Variants in INTS11 observed in about 807,000 individuals in gnomAD.
INTS11 encodes integrator complex subunit 11, also known as CPSF3-like protein.
A neutral mutation model predicts 78.6 loss-of-function variants in INTS11; 77 were observed. The observed-to-expected ratio is 0.98, with a 90% CI of 0.81 to 1.18. INTS11 has a LOEUF of 1.18. Ranked by LOEUF, INTS11 falls within the 50% of genes most tolerant of loss-of-function variation. INTS11 has a pLI of 0.00. For synonymous variants in INTS11, 441 were observed against 326.9 expected (o/e 1.35, Z -3.77); for missense variants, 875 against 825.9 (o/e 1.06, Z -0.73).
In INTS11 at chr1:1,314,479, C is replaced by T; in HGVS notation, c.703-114G>A. On this transcript the variant is annotated intron_variant, in intron 7 of 16. Coordinates refer to ENST00000435064, the MANE Select transcript of INTS11 (RefSeq NM_017871.6). This position sits in a 1 kb window ranked among gnomAD's most constrained non-coding sequence, Gnocchi z 4.2. ...AGCTGCGGCCTCATAGGGACCTTAGCCTCTCATCTGCTCCCAGTCCCGTCC... is the reference window on the plus strand; with the variant it reads ...AGCTGCGGCCTCATAGGGACCTTAGTCTCTCATCTGCTCCCAGTCCCGTCC... 2 of 911,698 alleles carry T rather than the reference C, an allele frequency of 2.2e-6. No homozygotes were observed. Among genetic ancestry groups the T allele is most frequent in the South Asian group, 1.7e-5 (1 of 59,070 alleles). The allele number at this position is 911,698 out of a possible 1,614,324, so 56.5% of individuals were successfully genotyped here.
chr1:1,312,213 G>GGGGGGGGGGGGGGGGCCCCCCCCCCCC lies in INTS11; in HGVS notation c.1607+12_1607+13insGGGGGGGGGGGGCCCCCCCCCCCCCCC. The GGGGGGGGGGGGGGGGCCCCCCCCCCCC allele has an allele frequency of 1.1e-6, 1 of 934,624 alleles. No homozygotes were observed. Among genetic ancestry groups the GGGGGGGGGGGGGGGGCCCCCCCCCCCC allele is most frequent in the Non-Finnish European group, 1.6e-6 (1 of 636,672 alleles). 57.9% of individuals were successfully genotyped at this position (934,624 alleles called of 1,614,324 possible). A position where few individuals can be genotyped will look rare whatever the true frequency, so the allele number is the denominator to read the frequency against. On this transcript the variant is annotated intron_variant, in intron 15 of 16. Transcript: ENST00000435064. ...CCCAAGGGAGTGGGGGGGGGGCGGG[G>GGGGGGGGGGGGGGGGCCCCCCCCCCCC]CCGGGCGCCCACCTCTTGAGGTGGC... is the stretch of plus-strand genomic sequence containing the variant.
Position 1,319,355 on chromosome 1 carries a change from G to A in INTS11, c.370C>T (p.Gln124Ter). The change falls in exon 4 of 17, where the codon CAG (glutamine) becomes TAG (stop). Residue 124 changes from glutamine to a stop codon, truncating the protein, a stop_gained. Transcript: ENST00000435064. LOFTEE classifies it high-confidence loss of function. ...KKGEANFFTS[Q>*]MIKDCMKKVV... The stretch of plus-strand genomic sequence containing the variant: ...TTCTTCATGCAGTCTTTGATCATCT[G>A]GGAGGTGAAGAAGTTGGCCTCGCCC... The A allele has an allele frequency of 2.5e-6, 4 of 1,613,384 alleles. No homozygotes were observed. Among genetic ancestry groups the A allele is most frequent in the Non-Finnish European group, 3.4e-6 (4 of 1,180,018 alleles).
Position 1,317,560 on chromosome 1 carries a change from C to T in INTS11, c.429+1736G>A, listed in dbSNP as rs149150645. ...TTCAAGAGGTTGAACGTCAGGCTCT[C>T]GGGGTCCCTGGAGGAGCAGGAACGG... On this transcript the variant is annotated intron_variant, in intron 4 of 16. Coordinates refer to ENST00000435064, the MANE Select transcript of INTS11 (RefSeq NM_017871.6). The T allele has an allele frequency of 7.6e-5, 37 of 489,946 alleles. 1 individual carries two copies. In the Middle Eastern group the frequency reaches 6.0e-3, roughly 79 times the overall value. The allele number at this position is 489,946 out of a possible 1,614,324, so 30.3% of individuals were successfully genotyped here.
chr1:1,318,643 CTG>C, intron 4 of INTS11: 1 of 425,776 alleles, frequency 2.3e-6, no homozygotes, highest in Non-Finnish European at 4.1e-6. Flanking sequence ...AAGTGAGACA[CTG>C]TCAAAAAAAA....
intron 15 of INTS11, 22 bp downstream of exon 15, chr1:1,312,204 G>GGGT: frequency 1.7e-6 from 2 of 1,186,128 alleles, no homozygotes. Flanking sequence ...GGAGTGGGGG[G>GGGT]GGGGCGGGGC....
rs1019125301 is a variant in INTS11, at chr1:1,315,047, C to T, written c.564-85G>A. On this transcript the variant is annotated intron_variant, in intron 6 of 16. Transcript: ENST00000435064. ...GGTGTGACAAGCTGGACCCCAGTAC[C>T]ACGCCCAGCCGCCTTCCTAGGTCAC... is the stretch of plus-strand genomic sequence containing the variant. 5.3e-6 allele frequency: 8 copies of T among 1,519,782 alleles called. No individual in the cohort carries two copies. The Admixed American group carries it at 1.3e-4, about 24-fold the overall frequency. 94.1% of individuals were successfully genotyped at this position (1,519,782 alleles called of 1,614,324 possible).
rs1570719441 is a variant in INTS11, at chr1:1,315,613, A to G, written c.435T>C (p.Asp145=). 1 of 1,605,116 alleles carries G rather than the reference A, an allele frequency of 6.2e-7. No homozygotes were observed. The highest frequency in any genetic ancestry group is 1.7e-4 in the Middle Eastern group (1 of 6,036). ...AGTAGGCCTTGATCTCCAGCTCATCATCTACCTGTGGAGGACAGGGCTGCG... is the reference window on the plus strand; with the variant it reads ...AGTAGGCCTTGATCTCCAGCTCATCGTCTACCTGTGGAGGACAGGGCTGCG... ...AVHLHQTVQV[D]DELEIKAYYA... The change falls in exon 5 of 17, where the codon GAT becomes GAC. Residue 145 remains aspartate (D), a synonymous_variant. Transcript: ENST00000435064.
chr1:1,313,419 C>T lies in INTS11; in HGVS notation c.1041+90G>A, dbSNP rs985559573. 6 of 1,472,724 alleles carry T rather than the reference C, an allele frequency of 4.1e-6. No individual in the cohort carries two copies. The African/African-American group carries it at 8.3e-5, about 20-fold the overall frequency. 91.2% of individuals were successfully genotyped at this position (1,472,724 alleles called of 1,614,324 possible). On this transcript the variant is annotated intron_variant, in intron 10 of 16. Transcript: ENST00000435064. ...CCACGTCCCTTGGCCAGCACGAGGC[C>T]AAGCCAGTGAGAGCTCAGAGACAGC...
Position 1,314,124 on chromosome 1 carries a change from G to T in INTS11, c.767+177C>A. The stretch of plus-strand genomic sequence containing the variant: ...GGAACCCCTACAAGAGCCGCACACG[G>T]TGGCGCTGACGGGATGTCACAGGCT... On this transcript the variant is annotated intron_variant, in intron 8 of 16. Transcript: ENST00000435064. This position sits in a 1 kb window ranked among gnomAD's most constrained non-coding sequence, Gnocchi z 4.2. The T allele has an allele frequency of 1.3e-6, 1 of 772,080 alleles. No homozygotes were observed. The highest frequency in any genetic ancestry group is 2.2e-6 in the Non-Finnish European group (1 of 462,376). 47.8% of individuals were successfully genotyped at this position (772,080 alleles called of 1,614,324 possible).
At chr1:1,319,797 TA>T (rs1642839649) in intron 3 of INTS11, 1 of 451,354 alleles carries the variant, frequency 2.2e-6, no homozygotes, top group African/African-American at 2.0e-5. Flanking sequence ...GAACCGCGCA[TA>T]GGGGAGCCGC....
intron 6 of INTS11, 110 bp from the exon 7 acceptor site, chr1:1,315,072 C>T: frequency 1.4e-6 from 2 of 1,386,860 alleles, no homozygotes; most frequent in Non-Finnish European, 2.0e-6. Flanking sequence ...TCCTAGGTCA[C>T]TCTGGCTGGA....
chr1:1,315,630 A>T lies in INTS11; in HGVS notation c.430-12T>A. Reference sequence around the variant, plus strand: ...AGCTCATCATCTACCTGTGGAGGACAGGGCTGCGCTCAGGCTGTGTCCTCA... The same window carrying T: ...AGCTCATCATCTACCTGTGGAGGACTGGGCTGCGCTCAGGCTGTGTCCTCA... On this transcript the variant is annotated splice_polypyrimidine_tract_variant and intron_variant, in intron 4 of 16. Transcript: ENST00000435064. 1 of 1,526,646 alleles carries T rather than the reference A, an allele frequency of 6.6e-7. No homozygotes were observed. Among genetic ancestry groups the T allele is most frequent in the Non-Finnish European group, 8.9e-7 (1 of 1,125,740 alleles). 94.6% of individuals were successfully genotyped at this position (1,526,646 alleles called of 1,614,324 possible). A position where few individuals can be genotyped will look rare whatever the true frequency, so the allele number is the denominator to read the frequency against.
chr1:1,320,702 G>A, intron 2 of INTS11, 173 bp from the exon 3 acceptor site: 1 of 756,610 alleles, frequency 1.3e-6, no homozygotes, highest in South Asian at 1.4e-5. Flanking sequence ...GCATCCGGAG[G>A]GGCCGAGGTT....
intron 1 of INTS11, chr1:1,321,954 C>A: frequency 8.5e-7 from 1 of 1,170,186 alleles, no homozygotes; most frequent in Admixed American, 4.2e-5. Flanking sequence ...CACCACACAT[C>A]AGGATGACGG....
intron 1 of INTS11, chr1:1,323,223 G>T (rs747561389): frequency 6.5e-7 from 1 of 1,550,350 alleles, no homozygotes; most frequent in South Asian, 1.2e-5. Flanking sequence ...TGTCTGTGCT[G>T]GAAGGTGCCC....
In INTS11 at chr1:1,313,926, G is replaced by A. The variant is rs528851468; in HGVS notation, c.768-5C>T. ...ACCTTCAGGTTCATGCGCTCCCTGG[G>A]GACCACCGGCCCAGTCAGCACAGTG... On this transcript the variant is annotated splice_polypyrimidine_tract_variant and splice_region_variant and intron_variant, in intron 8 of 16. Transcript: ENST00000435064. 7.5e-5 allele frequency: 121 copies of A among 1,610,838 alleles called. 1 individual carries two copies. The South Asian group carries it at 1.2e-3, about 16-fold the overall frequency.
At position 1,320,854 on chromosome 1, in the gene INTS11, C is replaced by T. The variant is rs571102449; in HGVS notation, c.126+142G>A. 1.3e-4 allele frequency: 106 copies of T among 841,956 alleles called. 3 individuals are homozygous for T. In the South Asian group the frequency reaches 1.4e-3, roughly 11 times the overall value. 52.2% of individuals were successfully genotyped at this position (841,956 alleles called of 1,614,324 possible). ...AGGGGCTCACCTCGGCCAGGCCCAC[C>T]CATCCCTGCTCCCCACAGGGTGCAG... On this transcript the variant is annotated intron_variant, in intron 2 of 16. Coordinates refer to ENST00000435064, the MANE Select transcript of INTS11 (RefSeq NM_017871.6).
In INTS11 at chr1:1,314,602, C is replaced by G. The variant is rs924334946; in HGVS notation, c.702+222G>C. 1.2e-5 allele frequency: 8 copies of G among 653,766 alleles called. No homozygotes were observed. The highest frequency in any genetic ancestry group is 1.1e-4 in the African/African-American group (6 of 54,714). The allele number at this position is 653,766 out of a possible 1,614,324, so 40.5% of individuals were successfully genotyped here. A position where few individuals can be genotyped will look rare whatever the true frequency, so the allele number is the denominator to read the frequency against. On this transcript the variant is annotated intron_variant, in intron 7 of 16. Transcript: ENST00000435064. This position sits in a 1 kb window ranked among gnomAD's most constrained non-coding sequence, Gnocchi z 4.2. Reference sequence around the variant, plus strand: ...TGCATGAGAGACAGAAGGAGCCTGGCCAGGGCTTCGTCCGCACCTGAGGTA... The same window carrying G: ...TGCATGAGAGACAGAAGGAGCCTGGGCAGGGCTTCGTCCGCACCTGAGGTA...
At position 1,313,940 on chromosome 1, in the gene INTS11, G is replaced by T. The variant is rs765950302; in HGVS notation, c.768-19C>A. 1.9e-6 allele frequency: 3 copies of T among 1,607,028 alleles called. No homozygotes were observed. On this transcript the variant is annotated intron_variant, in intron 8 of 16. Transcript: ENST00000435064. ...GCGCTCCCTGGGGACCACCGGCCCAGTCAGCACAGTGGCCACAGGGGAGAA... is the reference window on the plus strand; with the variant it reads ...GCGCTCCCTGGGGACCACCGGCCCATTCAGCACAGTGGCCACAGGGGAGAA...
Sources: gnomAD v4.1 joint callset for allele counts on GRCh38, gnomAD v4.1.1 for gene constraint, Gnocchi (gnomAD v3.1) non-coding constraint, MANE v1.5 for transcripts, NCBI Gene and HGNC (gene_info 2026-07-23, HGNC 2026-07-21) for gene names.